Variants in DOK6 observed in about 807,000 individuals in gnomAD.
DOK6 encodes downstream of tyrosine kinase 6.
In DOK6, 22 loss-of-function variants were observed where a neutral mutation model predicts 44.0. That is an observed-to-expected ratio of 0.50 (90% confidence interval 0.36 to 0.71). The LOEUF (loss-of-function observed/expected upper bound fraction) is 0.71, where lower values mean the gene tolerates loss of function less well. Among genes scored for constraint, DOK6 ranks in the 30% least tolerant of loss-of-function variants. The pLI is 0.00. For missense variants in DOK6, 340 were observed against 416.4 expected (o/e 0.82, Z 1.60); for synonymous variants, 166 against 145.5 (o/e 1.14, Z -1.01).
chr18:69,677,345 CTA>C (rs948016361), intron 3 of DOK6, among the ~76,000 whole-genome samples: 55 of 138,874 alleles, frequency 4.0e-4, no homozygotes, highest in African/African-American at 1.2e-3. Flanking sequence ...ATATATGTGT[CTA>C]TATATATATT....
chr18:69,708,454 A>C (rs1475555204), intron 5 of DOK6, among the ~76,000 whole-genome samples: 1 of 152,106 alleles, frequency 6.6e-6, no homozygotes, highest in Non-Finnish European at 1.5e-5. Flanking sequence ...ATACTCTGCT[A>C]TGTCCACCTT....
chr18:69,713,347 T>C (rs1213592502), intron 5 of DOK6, among the ~76,000 whole-genome samples: 1 of 152,226 alleles, frequency 6.6e-6, no homozygotes, highest in African/African-American at 2.4e-5. Context: ...TCTGTCATCA[T>C]TATACCAAAA....
intron 1 of DOK6, among the ~76,000 whole-genome samples, chr18:69,438,363 T>C (rs977286904): frequency 6.6e-6 from 1 of 152,174 alleles, no homozygotes; most frequent in African/African-American, 2.4e-5. Context: ...AAAAGAAACT[T>C]CTTATTTGTT....
intron 1 of DOK6, among the ~76,000 whole-genome samples, chr18:69,505,491 C>CTTTTTTTTTTTTTT (rs772908185): frequency 1.1e-5 from 1 of 88,570 alleles, no homozygotes; most frequent in African/African-American, 4.5e-5. Flanking sequence ...TACTCCCATT[C>CTTTTTTTTTTTTTT]TTTTTTTTTT....
Position 69,501,468 on chromosome 18 carries a change from C to T in DOK6, c.67-63019C>T, listed in dbSNP as rs77377248. ...TTGAGTTGTCTAATCAATCCAGCAC[C>T]ACAGCCAACATCAGTTCAATATCTT... On this transcript the variant is annotated intron_variant, in intron 1 of 7. Transcript: ENST00000382713. Among the ~76,000 whole-genome samples the T allele has an allele frequency of 1.8e-4, 28 of 152,210 alleles. No homozygotes were observed. The East Asian group carries it at 4.6e-3, about 25-fold the overall frequency.
chr18:69,695,991 T>C (rs4312402), intron 4 of DOK6, among the ~76,000 whole-genome samples: 24,925 of 152,004 alleles, frequency 0.16, 2,194 homozygotes, highest in South Asian at 0.27. Flanking sequence ...TGACTAGAGA[T>C]GGCCCTGGAA....
intron 1 of DOK6, among the ~76,000 whole-genome samples, chr18:69,411,148 G>C (rs1054762237): frequency 6.6e-6 from 1 of 152,256 alleles, no homozygotes; most frequent in South Asian, 2.1e-4. Context: ...CTGACAAGTC[G>C]TGAATTAAGA....
intron 1 of DOK6, among the ~76,000 whole-genome samples, chr18:69,519,578 G>C (rs932652233): frequency 2.0e-5 from 3 of 151,914 alleles, no homozygotes; most frequent in Non-Finnish European, 2.9e-5. Flanking sequence ...AAAATTAAAA[G>C]AGTTCCATAA....
At chr18:69,679,168 CA>C (rs1314295567) in intron 4 of DOK6, among the ~76,000 whole-genome samples, 1 of 151,760 alleles carries the variant, frequency 6.6e-6, no homozygotes, top group Non-Finnish European at 1.5e-5. Context: ...AGAGTGAGGC[CA>C]TATCTCAAAA....
chr18:69,564,374 C>A, intron 1 of DOK6, 113 bp from the exon 2 acceptor site: 1 of 752,544 alleles, frequency 1.3e-6, no homozygotes. Flanking sequence ...GTTTGTCAAT[C>A]AAAAACAGTT....
chr18:69,739,209 A>C lies in DOK6; in HGVS notation c.738+106A>C, dbSNP rs954461979. ...CATTCATGTCAGCGCCTGGGTGTCC[A>C]CCCTGCCCTGATCCTGAGGGCTTAC... On this transcript the variant is annotated intron_variant, in intron 6 of 7. Coordinates refer to ENST00000382713, the MANE Select transcript of DOK6 (RefSeq NM_152721.6). 5.4e-6 allele frequency: 8 copies of C among 1,468,038 alleles called. No homozygotes were observed. The Admixed American group carries it at 1.6e-4, about 30-fold the overall frequency. 90.9% of individuals were successfully genotyped at this position (1,468,038 alleles called of 1,614,324 possible). A position where few individuals can be genotyped will look rare whatever the true frequency, so the allele number is the denominator to read the frequency against.
At chr18:69,748,515 A>G (rs542967381) in intron 6 of DOK6, among the ~76,000 whole-genome samples, 1 of 152,224 alleles carries the variant, frequency 6.6e-6, no homozygotes, top group Non-Finnish European at 1.5e-5. Context: ...TGAAATCATA[A>G]CAGTCTCTCA....
chr18:69,615,424 C>A (rs558820143), intron 3 of DOK6, among the ~76,000 whole-genome samples: 39 of 152,334 alleles, frequency 2.6e-4, no homozygotes, highest in African/African-American at 7.7e-4. Context: ...ATATTTCTAG[C>A]TGACTCAAGT....
chr18:69,407,723 A>T (rs1916233479), intron 1 of DOK6, among the ~76,000 whole-genome samples: 1 of 152,256 alleles, frequency 6.6e-6, no homozygotes, highest in Non-Finnish European at 1.5e-5. Context: ...TAATAAAGAA[A>T]ACTATTGTTT....
chr18:69,768,660 A>C (rs752064746), intron 7 of DOK6, among the ~76,000 whole-genome samples: 1 of 150,408 alleles, frequency 6.6e-6, no homozygotes, highest in Non-Finnish European at 1.5e-5. Context: ...ATTGAAAGAT[A>C]ATAAAAGATG....
At chr18:69,631,763 T>G (rs1426111097) in intron 3 of DOK6, among the ~76,000 whole-genome samples, 1 of 152,224 alleles carries the variant, frequency 6.6e-6, no homozygotes, top group African/African-American at 2.4e-5. Context: ...TGAAAACTAC[T>G]GCTAACAAAT....
chr18:69,672,568 G>C (rs1175603503), intron 3 of DOK6, among the ~76,000 whole-genome samples: 2 of 151,976 alleles, frequency 1.3e-5, no homozygotes, highest in African/African-American at 4.8e-5. Flanking sequence ...ATGTTGGCCG[G>C]GCTGGTCTCA....
At chr18:69,564,949 G>A (rs935454691) in intron 2 of DOK6, among the ~76,000 whole-genome samples, 17 of 152,118 alleles carry the variant, frequency 1.1e-4, no homozygotes, top group African/African-American at 3.9e-4. Context: ...ATAAAAATTA[G>A]GGGGCTGCCT....
At chr18:69,688,370 G>A (rs1986195775) in intron 4 of DOK6, among the ~76,000 whole-genome samples, 1 of 152,144 alleles carries the variant, frequency 6.6e-6, no homozygotes, top group African/African-American at 2.4e-5. Context: ...ACCAACACGA[G>A]CCAAATAATC....
Sources: allele counts gnomAD v4.1 joint callset (sites outside exome capture counted in the v4.1 genomes callset), GRCh38; gene constraint gnomAD v4.1.1; transcripts MANE v1.5; gene names NCBI Gene and HGNC (gene_info 2026-07-23, HGNC 2026-07-21).